The following ZNF83 variants were observed in gnomAD, a reference collection of about 807,000 sequenced individuals.
ZNF83 encodes the protein zinc finger protein 83.
For synonymous variants in ZNF83, 209 were observed against 213.0 expected (o/e 0.98, Z 0.17); for missense variants, 552 against 629.9 (o/e 0.88, Z 1.32).
chr19:52,633,962 A>AAT (rs748151003), intron 2 of ZNF83, among the ~76,000 whole-genome samples: 21 of 151,776 alleles, frequency 1.4e-4, no homozygotes, highest in Non-Finnish European at 2.4e-4. Context: ...CAAATATAAA[A>AAT]ATATATATTC....
chr19:52,681,407 T>A (rs756522498), intron 1 of ZNF83, among the ~76,000 whole-genome samples: 5 of 151,256 alleles, frequency 3.3e-5, no homozygotes, highest in South Asian at 4.2e-4. Context: ...GAGGACAAAG[T>A]CCAATGAATT....
intron 1 of ZNF83, among the ~76,000 whole-genome samples, chr19:52,666,409 A>G (rs936298272): frequency 7.2e-5 from 11 of 152,112 alleles, no homozygotes; most frequent in African/African-American, 2.7e-4. Context: ...CCCTGTTGTC[A>G]GTGTAAACAA....
chr19:52,616,495 C>T (rs1249854022), intron 2 of ZNF83, among the ~76,000 whole-genome samples: 2 of 152,132 alleles, frequency 1.3e-5, no homozygotes, highest in African/African-American at 2.4e-5. Flanking sequence ...CAAGGATATA[C>T]TGGATAAAGA....
chr19:52,640,634 C>CT (rs2061289423), upstream of ZNF83, among the ~76,000 whole-genome samples: 1 of 152,148 alleles, frequency 6.6e-6, no homozygotes, highest in Non-Finnish European at 1.5e-5. Context: ...TCTACTGACT[C>CT]TAATTGTCAG....
At chr19:52,652,379 GA>G (rs1386045123) in intron 3 of ZNF83, 1 of 319,236 alleles carries the variant, frequency 3.1e-6, no homozygotes, top group African/African-American at 2.2e-5. Context: ...AGGTTGCCGT[GA>G]GCCGAGATCA....
intron 1 of ZNF83, among the ~76,000 whole-genome samples, chr19:52,685,234 C>G (rs1158948186): frequency 6.6e-6 from 1 of 152,114 alleles, no homozygotes; most frequent in African/African-American, 2.4e-5. Flanking sequence ...CCCCTCATCT[C>G]CAAGTTGCAG....
intron 1 of ZNF83, among the ~76,000 whole-genome samples, chr19:52,687,419 TA>T (rs2062039645): frequency 1.8e-5 from 1 of 56,730 alleles, no homozygotes; most frequent in Non-Finnish European, 3.4e-5. Flanking sequence ...TAAATTATAA[TA>T]TAAATTATAA....
At chr19:52,652,684 C>G in intron 3 of ZNF83, 2 of 600,902 alleles carry the variant, frequency 3.3e-6, no homozygotes, top group South Asian at 3.0e-5. Flanking sequence ...ATTTGCAATG[C>G]TTGTAGCATT....
intron 2 of ZNF83, among the ~76,000 whole-genome samples, chr19:52,633,388 G>A (rs947291419): frequency 1.6e-4 from 24 of 152,164 alleles, no homozygotes; most frequent in Admixed American, 2.6e-4. Flanking sequence ...TCACACGGAC[G>A]TGCATGAAAA....
intron 1 of ZNF83, among the ~76,000 whole-genome samples, chr19:52,681,280 C>CAAAAAAAAAAAAAAAAAAAA (rs56916405): frequency 2.0e-4 from 15 of 75,420 alleles, no homozygotes; most frequent in African/African-American, 2.8e-4. Context: ...GAGACTTTCT[C>CAAAAAAAAAAAAAAAAAAAA]AAAAAAAAAA....
At position 52,652,786 on chromosome 19, in the gene ZNF83, G is replaced by A. The variant is rs59091620; in HGVS notation, c.-74+2775C>T. 463 of 849,394 alleles carry A rather than the reference G, an allele frequency of 5.5e-4. 1 individual carries two copies. In the African/African-American group the frequency reaches 6.9e-3, roughly 13 times the overall value. The allele number at this position is 849,394 out of a possible 1,614,324, so 52.6% of individuals were successfully genotyped here. A position where few individuals can be genotyped will look rare whatever the true frequency, so the allele number is the denominator to read the frequency against. ...AATAAGTGATGACTGCCCACTAAAG[G>A]CTTTGCCACACTCATTGCACTTATA... On this transcript the variant is annotated intron_variant, in intron 3 of 5. Coordinates refer to the ZNF83 transcript ENST00000594682.
At chr19:52,669,903 G>A (rs1025501239) in intron 1 of ZNF83, among the ~76,000 whole-genome samples, 14 of 152,066 alleles carry the variant, frequency 9.2e-5, no homozygotes, top group African/African-American at 2.7e-4. Context: ...AAATCAAACC[G>A]AATGACTAAG....
intron 3 of ZNF83, chr19:52,653,114 G>A (rs1351744836): frequency 2.1e-6 from 3 of 1,462,774 alleles, no homozygotes; most frequent in Middle Eastern, 1.8e-4. Flanking sequence ...GATGAATTTC[G>A]AGCAAAGGTC....
At chr19:52,680,714 G>T (rs951039591) in intron 1 of ZNF83, among the ~76,000 whole-genome samples, 4 of 135,122 alleles carry the variant, frequency 3.0e-5, no homozygotes, top group Admixed American at 7.7e-5. Context: ...CCGGGTTCAC[G>T]CCATTCTCCT....
At chr19:52,644,886 T>A (rs966039650) in intron 3 of ZNF83, among the ~76,000 whole-genome samples, 1 of 151,856 alleles carries the variant, frequency 6.6e-6, no homozygotes, top group African/African-American at 2.4e-5. Context: ...GACAGGCACC[T>A]GTAGTCCCAG....
At chr19:52,637,493 A>G (rs1383263014) in intron 1 of ZNF83, among the ~76,000 whole-genome samples, 1 of 150,802 alleles carries the variant, frequency 6.6e-6, no homozygotes, top group Non-Finnish European at 1.5e-5. Context: ...AGGTTTCTCT[A>G]CGTTTCTCCA....
chr19:52,674,150 A>C lies in ZNF83; in HGVS notation c.-282-13307T>G, dbSNP rs1251615778. 3.9e-5 allele frequency: 6 copies of C among 152,268 alleles called. No homozygotes were observed. In the East Asian group the frequency reaches 1.2e-3, roughly 29 times the overall value. The allele number at this position is 152,268 out of a possible 1,614,324, so 9.4% of individuals were successfully genotyped here. A position where few individuals can be genotyped will look rare whatever the true frequency, so the allele number is the denominator to read the frequency against. ...CACAGGTTAAAAAGCCCTCAAATGA[A>C]CTCTTGGGCCTTAAGCCTTTCAAAA... On this transcript the variant is annotated intron_variant, in intron 1 of 5. Coordinates refer to the ZNF83 transcript ENST00000594682.
chr19:52,634,596 C>A (rs926126965), intron 2 of ZNF83, among the ~76,000 whole-genome samples: 1 of 152,176 alleles, frequency 6.6e-6, no homozygotes. Flanking sequence ...AAGTAACTCA[C>A]TAAATTACCT....
At chr19:52,625,353 C>T (rs576291563) in intron 2 of ZNF83, among the ~76,000 whole-genome samples, 1 of 152,272 alleles carries the variant, frequency 6.6e-6, no homozygotes, top group Admixed American at 6.5e-5. Flanking sequence ...TGTCCTCCAT[C>T]ATTAATGCCT....
Sources: gnomAD v4.1 joint callset for allele counts (sites outside exome capture counted in the v4.1 genomes callset) on GRCh38, gnomAD v4.1.1 for gene constraint, MANE v1.5 for transcripts, NCBI Gene and HGNC (gene_info 2026-07-23, HGNC 2026-07-21) for gene names.